Variants in LRP1 observed in about 807,000 individuals in gnomAD.
LRP1 encodes the protein prolow-density lipoprotein receptor-related protein 1.
Under a neutral mutation model 541.5 loss-of-function variants are expected in LRP1, and 51 were observed. That is an observed-to-expected ratio of 0.09 (90% confidence interval 0.08 to 0.12). The LOEUF (loss-of-function observed/expected upper bound fraction) is 0.12. Ranked by LOEUF, LRP1 falls within the 10% of genes least tolerant of loss-of-function variation. The pLI is 1.00. For synonymous variants in LRP1, 2,219 were observed against 2,470.8 expected (o/e 0.90, Z 3.02); for missense variants, 3,878 against 6,376.2 (o/e 0.61, Z 13.34).
rs1396266000 is a variant in LRP1, at chr12:57,159,815, C to T, written c.1799-10C>T. 3.7e-6 allele frequency: 6 copies of T among 1,613,420 alleles called. No individual in the cohort carries two copies. The highest frequency in any genetic ancestry group is 5.1e-6 in the Non-Finnish European group (6 of 1,179,480). ...AAGCTGTTCATCACTGGTCCCTCTT[C>T]CCCCAACAGGCATCCACAATGTGGA... On this transcript the variant is annotated splice_polypyrimidine_tract_variant and intron_variant, in intron 11 of 88. Coordinates refer to ENST00000243077, the MANE Select transcript of LRP1 (RefSeq NM_002332.3).
Position 57,178,460 on chromosome 12 carries a change from G to T in LRP1, c.4463G>T (p.Gly1488Val), listed in dbSNP as rs2036094365. The T allele has an allele frequency of 6.2e-7, 1 of 1,614,136 alleles. No homozygotes were observed. The highest frequency in any genetic ancestry group is 1.3e-5 in the African/African-American group (1 of 74,946). The change falls in exon 27 of 89, where the codon GGG becomes GTG. Residue 1488 changes from glycine (G) to valine (V), a missense_variant. Transcript: ENST00000243077. This position sits in a 1 kb window ranked among gnomAD's most constrained non-coding sequence, Gnocchi z 5.8. ...LSHPFAVTLY[G>V]GEVYWTDWRT... ...CACCCGTTTGCAGTGACGCTGTACG[G>T]GGGGGAGGTCTACTGGACTGACTGG...
chr12:57,198,251 C>T lies in LRP1; in HGVS notation c.9378C>T (p.Ile3126=), dbSNP rs200885149. 8.9e-5 allele frequency: 143 copies of T among 1,613,538 alleles called. 1 individual carries two copies. The highest frequency in any genetic ancestry group is 5.1e-4 in the East Asian group (23 of 44,886). The change falls in exon 59 of 89, where the codon ATC becomes ATT. Residue 3126 remains isoleucine, a synonymous_variant. Coordinates refer to ENST00000243077, the MANE Select transcript of LRP1 (RefSeq NM_002332.3). ...LYWCDKGRDT[I]EVSKLNGAYR... is the part of the protein sequence containing the mutation. ...GGTGCGACAAAGGCCGGGACACCATCGAGGTGTCCAAGCTCAATGGGGCCT... is the reference window on the plus strand; with the variant it reads ...GGTGCGACAAAGGCCGGGACACCATTGAGGTGTCCAAGCTCAATGGGGCCT...
Position 57,204,655 on chromosome 12 carries a change from C to T in LRP1, c.11100C>T (p.Pro3700=). The T allele has an allele frequency of 1.2e-6, 2 of 1,614,038 alleles. No individual in the cohort carries two copies. The highest frequency in any genetic ancestry group is 2.2e-5 in the East Asian group (1 of 44,876). Residue 3700 remains proline (P), a synonymous_variant, in exon 72 of 89, where the codon CCC becomes CCT. Transcript: ENST00000243077. The surrounding 1 kb of genome is among the most constrained non-coding windows in gnomAD (Gnocchi z 5.3). ...GGTTCGTGTGCCCTCCCAACCGGCC[C>T]TTCCGTTGCAAGAATGACCGCGTCT... ...CARFVCPPNR[P]FRCKNDRVCL...
intron 1 of LRP1, among the ~76,000 whole-genome samples, chr12:57,137,451 A>T (rs961322276): frequency 6.6e-6 from 1 of 152,036 alleles, no homozygotes; most frequent in African/African-American, 2.4e-5. Context: ...TCTGCTCCCC[A>T]ATTCTGATAT....
chr12:57,208,469 T>C (rs2036834952), intron 77 of LRP1: 1 of 595,452 alleles, frequency 1.7e-6, no homozygotes, highest in East Asian at 2.8e-5. Context: ...ACAGCCACAC[T>C]CTGCCCTGGG....
At chr12:57,140,440 A>G (rs1261213313) in intron 2 of LRP1, among the ~76,000 whole-genome samples, 1 of 152,282 alleles carries the variant, frequency 6.6e-6, no homozygotes, top group Non-Finnish European at 1.5e-5. Context: ...CCAAAATATT[A>G]TCACTTTAGT....
At chr12:57,153,639 T>C (rs1039920489) in intron 6 of LRP1, among the ~76,000 whole-genome samples, 2 of 152,234 alleles carry the variant, frequency 1.3e-5, no homozygotes, top group Non-Finnish European at 2.9e-5. Flanking sequence ...CCCATGTCAC[T>C]GGTGCCCAAC....
Position 57,183,797 on chromosome 12 carries a change from G to A in LRP1, c.5817G>A (p.Val1939=). The A allele has an allele frequency of 6.2e-7, 1 of 1,614,116 alleles. No individual in the cohort carries two copies. Among genetic ancestry groups the A allele is most frequent in the Non-Finnish European group, 8.5e-7 (1 of 1,180,042 alleles). ...FHAENDTIYW[V]DMGLSTISRA... The stretch of plus-strand genomic sequence containing the variant: ...CAGAAAATGACACCATCTACTGGGT[G>A]GACATGGGCCTGAGCACGATCAGCC... Residue 1939 remains valine, a synonymous_variant, in exon 36 of 89, where the codon GTG becomes GTA. Transcript: ENST00000243077. The surrounding 1 kb of genome is among the most constrained non-coding windows in gnomAD (Gnocchi z 6.1).
chr12:57,199,843 A>G, intron 61 of LRP1, 34 bp from the exon 62 acceptor site: 1 of 1,557,538 alleles, frequency 6.4e-7, no homozygotes, highest in Non-Finnish European at 8.7e-7. Context: ...AGGCCAGAAA[A>G]TGTCACCATA....
chr12:57,201,901 G>T lies in LRP1; in HGVS notation c.10590G>T (p.Glu3530Asp). The change falls in exon 67 of 89, where the codon GAG (glutamate) becomes GAT (aspartate). Residue 3530 changes from glutamate (E) to aspartate (D), a missense_variant. Physicochemically the swap from Glu to Asp is conservative, Grantham distance 45. This residue lies in a region of LRP1 where 278 missense variants were observed against 536.3 expected (regional missense o/e 0.52). Transcript: ENST00000243077. This position sits in a 1 kb window ranked among gnomAD's most constrained non-coding sequence, Gnocchi z 6.4. ...ATGGCTCGGATGAGCCCAAGGAAGA[G>T]TGTGGTGAGCCGAGACCCCACTCCA... is the stretch of plus-strand genomic sequence containing the variant. ...CGDGSDEPKEECDERTCEPYQ... is the reference protein window; with the variant it reads ...CGDGSDEPKEDCDERTCEPYQ... 6.2e-7 allele frequency: 1 copy of T among 1,613,998 alleles called. No homozygotes were observed. Among genetic ancestry groups the T allele is most frequent in the Non-Finnish European group, 8.5e-7 (1 of 1,179,992 alleles).
Position 57,195,359 on chromosome 12 carries a change from CTG to C in LRP1, c.8400_8401del (p.Ala2801Ter). The C allele has an allele frequency of 1.2e-6, 2 of 1,611,366 alleles. No individual in the cohort carries two copies. Among genetic ancestry groups the C allele is most frequent in the Non-Finnish European group, 1.7e-6 (2 of 1,180,016 alleles). On this transcript the variant is annotated frameshift_variant, in exon 52 of 89. Coordinates refer to ENST00000243077, the MANE Select transcript of LRP1 (RefSeq NM_002332.3). LOFTEE classifies it high-confidence loss of function. ...ERWLCDGDKD[C>X]ADGADESIAA... The stretch of plus-strand genomic sequence containing the variant: ...GCTGGCTCTGTGACGGTGACAAAGA[CTG>C]TGCTGATGGTGCAGACGAGAGCATC...
At position 57,208,816 on chromosome 12, in the gene LRP1, A is replaced by G; in HGVS notation, c.12144A>G (p.Thr4048=). 5.6e-6 allele frequency: 9 copies of G among 1,612,860 alleles called. No homozygotes were observed. Among genetic ancestry groups the G allele is most frequent in the Non-Finnish European group, 7.6e-6 (9 of 1,178,982 alleles). ...TLVQDNIQWP[T]GLAVDYHNER... ...TGCAGGACAACATTCAGTGGCCCAC[A>G]GGTTTGTGGGGCAGGGTGCAGGAGG... Residue 4048 remains threonine, a splice_region_variant and synonymous_variant, in exon 78 of 89, where the codon ACA becomes ACG. Transcript: ENST00000243077.
At chr12:57,163,044 G>T in intron 15 of LRP1, 61 bp downstream of exon 15, 1 of 1,533,712 alleles carries the variant, frequency 6.5e-7, no homozygotes, top group East Asian at 2.3e-5. Flanking sequence ...ATGCCGAAGA[G>T]TGGGGAGGGG....
At position 57,195,725 on chromosome 12, in the gene LRP1, C is replaced by G. The variant is rs745849478; in HGVS notation, c.8505C>G (p.Phe2835Leu). 6.2e-7 allele frequency: 1 copy of G among 1,614,198 alleles called. No individual in the cohort carries two copies. ...ACCGCCAGTGCATCCCCAAGCACTT[C>G]GTGTGTGACCACGACCGTGACTGTG... ...CQNRQCIPKH[F>L]VCDHDRDCAD... The change falls in exon 53 of 89, where the codon TTC becomes TTG. Residue 2835 changes from phenylalanine to leucine, a missense_variant. By Grantham distance (22) the Phe-to-Leu change is conservative. This residue lies in a region of LRP1 where 1,100 missense variants were observed against 1,827.4 expected (regional missense o/e 0.60). Transcript: ENST00000243077.
chr12:57,172,558 G>A (rs2035967889), intron 20 of LRP1, among the ~76,000 whole-genome samples: 1 of 152,094 alleles, frequency 6.6e-6, no homozygotes, highest in South Asian at 2.1e-4. Flanking sequence ...TGTGCCTCCA[G>A]GGATCCTCTG....
In LRP1 at chr12:57,199,416, G is replaced by A; in HGVS notation, c.9865+16G>A. On this transcript the variant is annotated intron_variant, in intron 61 of 88. Coordinates refer to ENST00000243077, the MANE Select transcript of LRP1 (RefSeq NM_002332.3). ...CAGCCAGACGGTGAGCAGGCAAGGG[G>A]TGGGAGCAGGCGAACGGTGAGCCAG... 1 of 1,602,846 alleles carries A rather than the reference G, an allele frequency of 6.2e-7. No individual in the cohort carries two copies. The highest frequency in any genetic ancestry group is 8.5e-7 in the Non-Finnish European group (1 of 1,175,406).
chr12:57,147,460 G>C (rs1474396746), intron 6 of LRP1: 2 of 152,202 alleles, frequency 1.3e-5, no homozygotes, highest in African/African-American at 2.4e-5. Flanking sequence ...CTGCTGGCCT[G>C]TAATTAGCTC....
Position 57,179,411 on chromosome 12 carries a change from C to G in LRP1, c.4821C>G (p.Ile1607Met). 6.2e-7 allele frequency: 1 copy of G among 1,614,268 alleles called. No homozygotes were observed. The highest frequency in any genetic ancestry group is 8.5e-7 in the Non-Finnish European group (1 of 1,180,044). ...ATGCTCCCTACTACAACTACATCAT[C>G]TCCTTCACGGTGCCCGACATCGACA... Reference protein sequence around the residue: ...DLDAPYYNYIISFTVPDIDNV... With the variant: ...DLDAPYYNYIMSFTVPDIDNV... Residue 1607 changes from isoleucine to methionine, a missense_variant, in exon 29 of 89, where the codon ATC (isoleucine) becomes ATG (methionine). By Grantham distance (10) the Ile-to-Met change is conservative. Transcript: ENST00000243077. The surrounding 1 kb of genome is among the most constrained non-coding windows in gnomAD (Gnocchi z 6.8).
At position 57,141,498 on chromosome 12, in the gene LRP1, G is replaced by C; in HGVS notation, c.315G>C (p.Gly105=). ...ACTGCATGGACGGCTCAGATGAGGG[G>C]CCCCACTGCCGAGGTAAGGACTTTT... is the stretch of plus-strand genomic sequence containing the variant. ...VQDCMDGSDE[G]PHCRELQGNC... is the part of the protein sequence containing the mutation. The change falls in exon 3 of 89, where the codon GGG becomes GGC. Residue 105 remains glycine, a synonymous_variant. Coordinates refer to ENST00000243077, the MANE Select transcript of LRP1 (RefSeq NM_002332.3). 2 of 1,614,226 alleles carry C rather than the reference G, an allele frequency of 1.2e-6. No individual in the cohort carries two copies. Among genetic ancestry groups the C allele is most frequent in the Admixed American group, 1.7e-5 (1 of 60,030 alleles).
Sources: allele counts gnomAD v4.1 joint callset (sites outside exome capture counted in the v4.1 genomes callset), GRCh38; gene constraint gnomAD v4.1.1; regional missense constraint gnomAD v4.1.1; non-coding constraint Gnocchi (gnomAD v3.1); transcripts MANE v1.5; gene names NCBI Gene and HGNC (gene_info 2026-07-23, HGNC 2026-07-21).